SLC5A11: variants seen among roughly 807,000 people sequenced by gnomAD.
The protein encoded by SLC5A11 is sodium/myo-inositol cotransporter 2.
SLC5A11 carries 48 observed loss-of-function variants against 69.8 expected under a neutral mutation model. The ratio of observed to expected loss-of-function variants is 0.69; its 90% CI spans 0.55 to 0.87. SLC5A11 has a LOEUF of 0.87. SLC5A11 is among the 40% of genes least tolerant of loss of function. The pLI, the probability that SLC5A11 is intolerant of heterozygous loss-of-function variation, is 0.00. For synonymous variants in SLC5A11, 319 were observed against 342.4 expected (o/e 0.93, Z 0.75); for missense variants, 784 against 866.1 (o/e 0.91, Z 1.19).
At chr16:24,872,649 A>G (rs576093721) in intron 5 of SLC5A11, among the ~76,000 whole-genome samples, 51 of 151,820 alleles carry the variant, frequency 3.4e-4, no homozygotes, top group African/African-American at 1.2e-3. Context: ...AGCAGCTAGG[A>G]CCACAGATGC....
intron 3 of SLC5A11, among the ~76,000 whole-genome samples, chr16:24,865,455 G>A (rs1401460689): frequency 6.6e-6 from 1 of 152,178 alleles, no homozygotes; most frequent in Admixed American, 6.6e-5. Context: ...TACTCAGGAG[G>A]CTGAGGCAGG....
chr16:24,868,779 T>C (rs1395024037), intron 3 of SLC5A11, among the ~76,000 whole-genome samples: 1 of 151,706 alleles, frequency 6.6e-6, no homozygotes, highest in African/African-American at 2.4e-5. Context: ...TTCTCTCTCC[T>C]CTCTTCTCTT....
intron 14 of SLC5A11, among the ~76,000 whole-genome samples, chr16:24,909,664 AAAG>A (rs2050352445): frequency 7.2e-6 from 1 of 138,686 alleles, no homozygotes. Flanking sequence ...AAAAAAAAAA[AAAG>A]GAAAAGAAAA....
At chr16:24,849,877 C>T (rs533359456) in intron 1 of SLC5A11, among the ~76,000 whole-genome samples, 5 of 151,818 alleles carry the variant, frequency 3.3e-5, no homozygotes, top group Non-Finnish European at 5.9e-5. Flanking sequence ...CTCTTGCTAA[C>T]GGACTAGGGG....
At chr16:24,888,437 G>C (rs920506940) in intron 8 of SLC5A11, among the ~76,000 whole-genome samples, 3 of 146,542 alleles carry the variant, frequency 2.0e-5, no homozygotes, top group Non-Finnish European at 4.5e-5. Flanking sequence ...GAAAAAAGAA[G>C]ATGACATTAT....
Position 24,899,634 on chromosome 16 carries a change from C to T in SLC5A11, c.1006+1525C>T, listed in dbSNP as rs2049436193. Among the ~76,000 whole-genome samples, 3 of 152,038 alleles carry T rather than the reference C, an allele frequency of 2.0e-5. No individual in the cohort carries two copies. The South Asian group carries it at 6.2e-4, about 32-fold the overall frequency. On this transcript the variant is annotated intron_variant, in intron 10 of 15. Transcript: ENST00000347898. ...GGCCAGGATGGTCTCGATCTCTTGACCTTGTGATCCTCCCACCTTGGCCTC... is the reference window on the plus strand; with the variant it reads ...GGCCAGGATGGTCTCGATCTCTTGATCTTGTGATCCTCCCACCTTGGCCTC...
chr16:24,871,790 T>C (rs146231896), intron 4 of SLC5A11, among the ~76,000 whole-genome samples: 1 of 152,088 alleles, frequency 6.6e-6, no homozygotes, highest in African/African-American at 2.4e-5. Flanking sequence ...GAAAAATGAG[T>C]CTCGGAGACC....
At chr16:24,869,421 A>G (rs145163555) in intron 3 of SLC5A11, among the ~76,000 whole-genome samples, 3 of 152,256 alleles carry the variant, frequency 2.0e-5, no homozygotes, top group South Asian at 2.1e-4. Context: ...GACCAGGGAG[A>G]CCAGGGATTG....
intron 1 of SLC5A11, among the ~76,000 whole-genome samples, chr16:24,847,563 C>G (rs762834820): frequency 4.4e-4 from 67 of 152,078 alleles, no homozygotes; most frequent in Non-Finnish European, 8.1e-4. Context: ...CCTGTGTTGC[C>G]TTGGCTGGTC....
At chr16:24,881,205 A>T (rs1019011091) in intron 7 of SLC5A11, among the ~76,000 whole-genome samples, 9 of 139,852 alleles carry the variant, frequency 6.4e-5, no homozygotes, top group Non-Finnish European at 1.3e-4. Flanking sequence ...AACTCAAATT[A>T]AAAAAAAAAA....
chr16:24,894,740 C>A (rs773755823), intron 9 of SLC5A11, among the ~76,000 whole-genome samples: 32 of 151,860 alleles, frequency 2.1e-4, no homozygotes, highest in Non-Finnish European at 3.7e-4. Flanking sequence ...GCGGAGCTTG[C>A]AGTGAACCCG....
intron 5 of SLC5A11, among the ~76,000 whole-genome samples, chr16:24,874,258 T>C (rs925896334): frequency 6.6e-6 from 1 of 152,226 alleles, no homozygotes; most frequent in African/African-American, 2.4e-5. Context: ...TTGCTCCCAG[T>C]ATTGGTCTAT....
intron 1 of SLC5A11, among the ~76,000 whole-genome samples, chr16:24,848,623 T>G (rs2059130693): frequency 6.6e-6 from 1 of 151,842 alleles, no homozygotes; most frequent in Non-Finnish European, 1.5e-5. Context: ...AAATAAAAAA[T>G]TAGCTAGGCA....
chr16:24,890,136 A>G (rs2048677636), intron 8 of SLC5A11, among the ~76,000 whole-genome samples: 1 of 152,168 alleles, frequency 6.6e-6, no homozygotes, highest in African/African-American at 2.4e-5. Flanking sequence ...ATGTTTCTAT[A>G]CCGCACTTCT....
intron 1 of SLC5A11, among the ~76,000 whole-genome samples, chr16:24,847,059 A>G (rs957549204): frequency 5.3e-5 from 8 of 152,334 alleles, no homozygotes; most frequent in Admixed American, 2.0e-4. Flanking sequence ...TGGCCAAGCC[A>G]AGACTCAATT....
At chr16:24,870,198 G>T (rs1334192652) in intron 4 of SLC5A11, among the ~76,000 whole-genome samples, 193 bp downstream of exon 5, 6 of 151,876 alleles carry the variant, frequency 4.0e-5, no homozygotes. Context: ...TTCGAGACCA[G>T]CCTGGCCAAC....
At chr16:24,897,664 GA>G (rs2049277926) in intron 9 of SLC5A11, among the ~76,000 whole-genome samples, 1 of 152,184 alleles carries the variant, frequency 6.6e-6, no homozygotes, top group Admixed American at 6.5e-5. Flanking sequence ...CATGGCTGGG[GA>G]GGCCTCACAA....
intron 8 of SLC5A11, among the ~76,000 whole-genome samples, chr16:24,884,397 G>C (rs557821353): frequency 6.6e-6 from 1 of 152,084 alleles, no homozygotes; most frequent in South Asian, 2.1e-4. Context: ...GTGCTGTGAT[G>C]ATTGCTCACT....
chr16:24,906,864 G>A (rs2050104399), intron 11 of SLC5A11, 100 bp downstream of exon 12: 1 of 1,392,068 alleles, frequency 7.2e-7, no homozygotes, highest in African/African-American at 1.4e-5. Context: ...AGGAGGGCTG[G>A]TGGGGGAGGA....
Sources: gnomAD v4.1 joint callset for allele counts (sites outside exome capture counted in the v4.1 genomes callset) on GRCh38, gnomAD v4.1.1 for gene constraint, MANE v1.5 for transcripts, NCBI Gene and HGNC (gene_info 2026-07-23, HGNC 2026-07-21) for gene names.